The following PCSK2 variants were observed in gnomAD, a reference collection of about 807,000 sequenced individuals.
PCSK2 encodes the protein neuroendocrine convertase 2.
A neutral mutation model predicts 69.7 loss-of-function variants in PCSK2; 14 were observed. The ratio of observed to expected loss-of-function variants is 0.20; its 90% CI spans 0.13 to 0.31. PCSK2 has a LOEUF of 0.31. Ranked by LOEUF, PCSK2 falls within the 10% of genes least tolerant of loss-of-function variation. The probability of loss-of-function intolerance (pLI) is 1.00; values close to 1 mark genes in which losing one functional copy is unlikely to be tolerated. For synonymous variants in PCSK2, 307 were observed against 320.7 expected (o/e 0.96, Z 0.46); for missense variants, 544 against 842.5 (o/e 0.65, Z 4.39).
At chr20:17,384,268 T>C (rs763777190) in intron 5 of PCSK2, among the ~76,000 whole-genome samples, 88 of 152,120 alleles carry the variant, frequency 5.8e-4, no homozygotes, top group Non-Finnish European at 1.0e-3. Flanking sequence ...AAATCTGTAT[T>C]TAAGTGACTA....
chr20:17,247,946 AAAAG>A (rs1414500957), intron 1 of PCSK2, among the ~76,000 whole-genome samples: 8 of 152,280 alleles, frequency 5.3e-5, no homozygotes, highest in African/African-American at 1.4e-4. Flanking sequence ...AAGTAAGAGG[AAAAG>A]AAAGAAGACA....
At chr20:17,271,663 C>G (rs931761205) in intron 2 of PCSK2, among the ~76,000 whole-genome samples, 3 of 152,040 alleles carry the variant, frequency 2.0e-5, no homozygotes, top group African/African-American at 7.2e-5. Context: ...AAGGAGGAAG[C>G]GGATTCTTAT....
intron 2 of PCSK2, among the ~76,000 whole-genome samples, chr20:17,353,191 G>A (rs371634518): frequency 6.6e-6 from 1 of 152,074 alleles, no homozygotes; most frequent in African/African-American, 2.4e-5. Context: ...GGCTGGATGC[G>A]GTGGCTCATG....
chr20:17,415,296 A>T (rs1324007089), intron 6 of PCSK2, among the ~76,000 whole-genome samples: 1 of 152,222 alleles, frequency 6.6e-6, no homozygotes, highest in Non-Finnish European at 1.5e-5. Flanking sequence ...CCATCGTCTC[A>T]GCCCAAAATC....
chr20:17,376,501 C>A (rs2030931976), intron 5 of PCSK2, among the ~76,000 whole-genome samples: 1 of 152,204 alleles, frequency 6.6e-6, no homozygotes, highest in Non-Finnish European at 1.5e-5. Flanking sequence ...CCTAGACCTA[C>A]TGAATCAAAA....
intron 11 of PCSK2, among the ~76,000 whole-genome samples, chr20:17,481,110 G>A (rs889925165): frequency 6.6e-6 from 1 of 152,160 alleles, no homozygotes; most frequent in African/African-American, 2.4e-5. Context: ...GCCGGGCGTG[G>A]TGGCTCACAC....
At chr20:17,413,311 G>C (rs911775537) in intron 6 of PCSK2, among the ~76,000 whole-genome samples, 47 of 152,228 alleles carry the variant, frequency 3.1e-4, no homozygotes, top group African/African-American at 1.1e-3. Context: ...GACACATATA[G>C]GCTCAAAATT....
At chr20:17,371,662 T>C (rs1452605605) in intron 5 of PCSK2, among the ~76,000 whole-genome samples, 1 of 152,200 alleles carries the variant, frequency 6.6e-6, no homozygotes, top group Non-Finnish European at 1.5e-5. Context: ...TTTCTATGTG[T>C]CTATTTTTAA....
intron 2 of PCSK2, among the ~76,000 whole-genome samples, chr20:17,334,194 A>G (rs1990286117): frequency 6.6e-6 from 1 of 151,944 alleles, no homozygotes; most frequent in African/African-American, 2.4e-5. Flanking sequence ...GAAGGTCTTT[A>G]TATAGAAAAC....
At chr20:17,226,533 A>AAGAG (rs11471406), upstream of PCSK2, among the ~76,000 whole-genome samples, 259 of 146,922 alleles carry the variant, frequency 1.8e-3, 1 homozygote, top group African/African-American at 5.3e-3. Context: ...GAGAGAGAGA[A>AAGAG]AGAGAGAGAG....
chr20:17,441,959 T>A (rs2032606741), intron 8 of PCSK2, among the ~76,000 whole-genome samples: 1 of 150,472 alleles, frequency 6.6e-6, no homozygotes. Flanking sequence ...TAAGATGATG[T>A]CATATTGGAG....
chr20:17,262,383 G>T (rs1184605855), intron 2 of PCSK2, among the ~76,000 whole-genome samples: 1 of 151,846 alleles, frequency 6.6e-6, no homozygotes, highest in African/African-American at 2.4e-5. Context: ...TGTCATCAAG[G>T]TTAAATGCTG....
intron 2 of PCSK2, among the ~76,000 whole-genome samples, chr20:17,336,888 A>G (rs375133700): frequency 3.9e-5 from 6 of 152,312 alleles, no homozygotes; most frequent in African/African-American, 9.6e-5. Context: ...CTAGGTGTCC[A>G]TGTGCAAAAT....
intron 1 of PCSK2, among the ~76,000 whole-genome samples, chr20:17,242,310 C>T (rs1986610328): frequency 6.6e-6 from 1 of 152,226 alleles, no homozygotes; most frequent in Non-Finnish European, 1.5e-5. Context: ...CCCTAGTTTC[C>T]CTTCCACACA....
intron 2 of PCSK2, among the ~76,000 whole-genome samples, chr20:17,297,178 A>C (rs1988922639): frequency 6.6e-6 from 1 of 152,234 alleles, no homozygotes; most frequent in Admixed American, 6.5e-5. Context: ...ACATTAGAGA[A>C]ATAGCAAAGA....
At chr20:17,284,766 G>A (rs1988453781) in intron 2 of PCSK2, among the ~76,000 whole-genome samples, 1 of 152,158 alleles carries the variant, frequency 6.6e-6, no homozygotes, top group African/African-American at 2.4e-5. Context: ...AATCAAATCT[G>A]TCTCCCCAAG....
intron 5 of PCSK2, among the ~76,000 whole-genome samples, chr20:17,404,173 A>G (rs994986737): frequency 6.6e-5 from 10 of 152,204 alleles, no homozygotes; most frequent in African/African-American, 2.4e-4. Flanking sequence ...CCCTGGCGCA[A>G]TGCACAACCT....
chr20:17,353,465 C>CAGAA (rs2030074372), intron 2 of PCSK2, among the ~76,000 whole-genome samples: 2 of 145,220 alleles, frequency 1.4e-5, no homozygotes. Flanking sequence ...CTCCATCACA[C>CAGAA]AAAAAAAAAA....
At chr20:17,308,093 G>A (rs954458180) in intron 2 of PCSK2, among the ~76,000 whole-genome samples, 1 of 151,490 alleles carries the variant, frequency 6.6e-6, no homozygotes, top group Non-Finnish European at 1.5e-5. Context: ...ATCTTCCATG[G>A]CAGGAGCAGG....
Sources: allele counts gnomAD v4.1 joint callset (sites outside exome capture counted in the v4.1 genomes callset), GRCh38; gene constraint gnomAD v4.1.1; transcripts MANE v1.5; gene names NCBI Gene and HGNC (gene_info 2026-07-23, HGNC 2026-07-21).